PCNT: variants seen among roughly 807,000 people sequenced by gnomAD.
PCNT encodes the protein pericentrin.
PCNT carries 319 observed loss-of-function variants against 380.4 expected under a neutral mutation model. The ratio of observed to expected loss-of-function variants is 0.84; its 90% CI spans 0.77 to 0.92. PCNT has a LOEUF of 0.92. PCNT is among the 40% of genes least tolerant of loss of function. The pLI is 0.00. For synonymous variants in PCNT, 1,845 were observed against 1,735.2 expected (o/e 1.06, Z -1.57); for missense variants, 4,400 against 4,255.3 (o/e 1.03, Z -0.95).
rs2087033315 is a variant in PCNT, at chr21:46,416,533, C to A, written c.6615C>A (p.His2205Gln). 6.2e-7 allele frequency: 1 copy of A among 1,613,706 alleles called. No individual in the cohort carries two copies. Among genetic ancestry groups the A allele is most frequent in the Admixed American group, 1.7e-5 (1 of 59,996 alleles). ...SVLGGSRHQS[H>Q]TAEAGPRKSP... ...TTGGTGGCTCCCGCCACCAGAGCCA[C>A]ACTGCAGAGGCTGGGCCCCGGAAGA... Residue 2205 changes from histidine (H) to glutamine (Q), a missense_variant, in exon 30 of 47, where the codon CAC (histidine) becomes CAA (glutamine). Transcript: ENST00000359568.
intron 2 of PCNT, 68 bp from the exon 3 acceptor site, chr21:46,334,329 G>T: frequency 2.5e-6 from 4 of 1,610,388 alleles, no homozygotes; most frequent in Non-Finnish European, 3.4e-6. Flanking sequence ...TAGAGGAGCT[G>T]GGAAGGGCCT....
intron 27 of PCNT, among the ~76,000 whole-genome samples, chr21:46,408,686 G>A (rs2086690347): frequency 6.7e-6 from 1 of 148,242 alleles, no homozygotes; most frequent in African/African-American, 2.5e-5. Flanking sequence ...CATCCATATT[G>A]TGGGGGAAAT....
At chr21:46,351,600 G>A in intron 9 of PCNT, 60 bp downstream of exon 9, 1 of 997,932 alleles carries the variant, frequency 1.0e-6, no homozygotes, top group Non-Finnish European at 1.6e-6. Context: ...GTTTTTCATT[G>A]TTGTAACACC....
chr21:46,433,825 G>T (rs1161174993), intron 38 of PCNT, among the ~76,000 whole-genome samples: 1 of 152,096 alleles, frequency 6.6e-6, no homozygotes, highest in African/African-American at 2.4e-5. Context: ...AAGCTGGAGT[G>T]CAATGGCACG....
chr21:46,427,817 A>G, intron 34 of PCNT, 22 bp downstream of exon 34: 1 of 1,612,460 alleles, frequency 6.2e-7, no homozygotes, highest in Non-Finnish European at 8.5e-7. Context: ...CTCTGCCACC[A>G]GGCCTCAGTT....
At chr21:46,428,799 C>G (rs1246602726) in intron 35 of PCNT, among the ~76,000 whole-genome samples, 2 of 152,024 alleles carry the variant, frequency 1.3e-5, no homozygotes, top group South Asian at 2.1e-4. Flanking sequence ...AGGCCTCACT[C>G]TTGGGCCTGA....
chr21:46,347,578 C>T, intron 6 of PCNT, 66 bp downstream of exon 6: 1 of 1,426,180 alleles, frequency 7.0e-7, no homozygotes, highest in South Asian at 1.1e-5. Flanking sequence ...CGCCAGGTCC[C>T]ATGAGAACGC....
chr21:46,436,140 C>T lies in PCNT; in HGVS notation c.8988C>T (p.Ala2996=), dbSNP rs61735826. 0.035 allele frequency: 56,190 copies of T among 1,607,646 alleles called. 1,175 individuals carry two copies. Among genetic ancestry groups the T allele is most frequent in the Non-Finnish European group, 0.041 (48,520 of 1,179,798 alleles). The change falls in exon 39 of 47, where the codon GCC becomes GCT. Residue 2996 remains alanine, a synonymous_variant. Transcript: ENST00000359568. ...ARLLTSFTSQ[A]VDRTVNDWTS... is the part of the protein sequence containing the mutation. ...TTCTCACCAGCTTCACCAGCCAGGC[C>T]GTGGACAGGTGTGCACCCACGCCAC...
At chr21:46,416,905 C>A in intron 30 of PCNT, 66 bp downstream of exon 30, 2 of 1,512,604 alleles carry the variant, frequency 1.3e-6, no homozygotes, top group South Asian at 1.2e-5. Context: ...GGCGCCACGG[C>A]AGCTGCCATT....
At chr21:46,406,055 T>C (rs2086612382) in intron 27 of PCNT, among the ~76,000 whole-genome samples, 1 of 152,260 alleles carries the variant, frequency 6.6e-6, no homozygotes. Flanking sequence ...TCCAGTTATT[T>C]CAAGGAAACC....
chr21:46,325,511 T>C (rs1298269268), intron 1 of PCNT, among the ~76,000 whole-genome samples: 1 of 152,170 alleles, frequency 6.6e-6, no homozygotes, highest in African/African-American at 2.4e-5. Flanking sequence ...CGACATGAGG[T>C]TGACTTTGAA....
chr21:46,441,981 C>T (rs1205262126), intron 43 of PCNT, among the ~76,000 whole-genome samples: 1 of 152,186 alleles, frequency 6.6e-6, no homozygotes, highest in Non-Finnish European at 1.5e-5. Context: ...CCTAGCAGGG[C>T]GTCTGGGGCC....
In PCNT at chr21:46,435,838, G is replaced by A. The variant is rs2053424844; in HGVS notation, c.8752-66G>A. On this transcript the variant is annotated intron_variant, in intron 38 of 46. Coordinates refer to ENST00000359568, the MANE Select transcript of PCNT (RefSeq NM_006031.6). ...ATTACAGGCATGAACCACCGCGCCC[G>A]GCCGGCAGTTTTGTTTTTGGACACT... is the stretch of plus-strand genomic sequence containing the variant. The A allele has an allele frequency of 6.9e-6, 11 of 1,605,118 alleles. No individual in the cohort carries two copies. In the South Asian group the frequency reaches 7.8e-5, roughly 11 times the overall value.
Position 46,349,569 on chromosome 21 carries a change from C to T in PCNT, c.1208-115C>T, listed in dbSNP as rs568789688. ...GAGGCTCAAACGAGGGGCCCGGGGG[C>T]GCCCAGGATGGGGCTCTGGGTGGCA... On this transcript the variant is annotated intron_variant, in intron 7 of 46. Coordinates refer to ENST00000359568, the MANE Select transcript of PCNT (RefSeq NM_006031.6). The T allele has an allele frequency of 2.7e-5, 30 of 1,124,802 alleles. No homozygotes were observed. The South Asian group carries it at 2.8e-4, about 11-fold the overall frequency. The allele number at this position is 1,124,802 out of a possible 1,614,324, so 69.7% of individuals were successfully genotyped here.
intron 27 of PCNT, among the ~76,000 whole-genome samples, chr21:46,407,403 G>A (rs1287634793): frequency 2.2e-5 from 3 of 133,874 alleles, no homozygotes; most frequent in South Asian, 2.4e-4. Context: ...GTGCAATGGC[G>A]CGATCTCGGC....
chr21:46,344,229 A>C lies in PCNT; in HGVS notation c.640-1899A>C, dbSNP rs2146513265. Among the ~76,000 whole-genome samples, 4 of 151,508 alleles carry C rather than the reference A, an allele frequency of 2.6e-5. 1 individual carries two copies. The South Asian group carries it at 8.4e-4, about 32-fold the overall frequency. On this transcript the variant is annotated intron_variant, in intron 3 of 46. Transcript: ENST00000359568. Reference sequence around the variant, plus strand: ...GCTGGGACTACAGGCGCCTGCCACCACGCCCAGCTAATTTTTTTGTATTTT... The same window carrying C: ...GCTGGGACTACAGGCGCCTGCCACCCCGCCCAGCTAATTTTTTTGTATTTT...
chr21:46,402,529 T>A, intron 27 of PCNT, 46 bp downstream of exon 27: 1 of 1,607,870 alleles, frequency 6.2e-7, no homozygotes, highest in Non-Finnish European at 8.5e-7. Context: ...ATGTTGCTTA[T>A]GCCGGTGCCG....
intron 13 of PCNT, among the ~76,000 whole-genome samples, chr21:46,362,571 T>TA (rs1376016472): frequency 6.6e-6 from 1 of 151,962 alleles, no homozygotes; most frequent in Non-Finnish European, 1.5e-5. Context: ...AGGTCAATCT[T>TA]ACGTGCCTTT....
intron 12 of PCNT, 134 bp from the exon 13 acceptor site, chr21:46,356,840 C>T (rs1054283423): frequency 2.7e-6 from 2 of 740,450 alleles, no homozygotes; most frequent in African/African-American, 1.7e-5. Context: ...ATCACTGAGT[C>T]AGCACAGAGC....
Sources: gnomAD v4.1 joint callset for allele counts (sites outside exome capture counted in the v4.1 genomes callset) on GRCh38, gnomAD v4.1.1 for gene constraint, MANE v1.5 for transcripts, NCBI Gene and HGNC (gene_info 2026-07-23, HGNC 2026-07-21) for gene names.